The following TLK1 variants were observed in gnomAD, a reference collection of about 807,000 sequenced individuals.
The protein encoded by TLK1 is tousled like kinase 1, also known as serine/threonine-protein kinase tousled-like 1.
In TLK1, 24 loss-of-function variants were observed where a neutral mutation model predicts 105.3. That is an observed-to-expected ratio of 0.23 (90% confidence interval 0.17 to 0.32). The LOEUF is 0.32. Ranked by LOEUF, TLK1 falls within the 10% of genes least tolerant of loss-of-function variation. The pLI is 1.00. For missense variants in TLK1, 558 were observed against 910.5 expected (o/e 0.61, Z 4.98); for synonymous variants, 321 against 310.4 (o/e 1.03, Z -0.36).
intron 11 of TLK1, among the ~76,000 whole-genome samples, chr2:171,042,514 T>TG (rs1686729531): frequency 6.6e-6 from 1 of 152,054 alleles, no homozygotes; most frequent in Admixed American, 6.6e-5. Context: ...TCCAAAACAG[T>TG]GGATTACAGG....
At chr2:171,172,069 A>G (rs1025831738) in intron 1 of TLK1, among the ~76,000 whole-genome samples, 7 of 152,278 alleles carry the variant, frequency 4.6e-5, no homozygotes, top group African/African-American at 1.7e-4. Context: ...ACATAATACA[A>G]TACTATGCAG....
At chr2:171,203,362 C>T (rs1693439142) in intron 1 of TLK1, among the ~76,000 whole-genome samples, 1 of 152,090 alleles carries the variant, frequency 6.6e-6, no homozygotes, top group South Asian at 2.1e-4. Context: ...CCCTTTATCC[C>T]CAGCCCCTAG....
intron 20 of TLK1, among the ~76,000 whole-genome samples, chr2:170,994,972 G>A (rs1448599944): frequency 6.6e-6 from 1 of 151,836 alleles, no homozygotes; most frequent in Non-Finnish European, 1.5e-5. Flanking sequence ...CACATTAAAA[G>A]GTAACTATTT....
intron 14 of TLK1, among the ~76,000 whole-genome samples, chr2:171,008,636 G>A (rs1162875256): frequency 6.6e-6 from 1 of 151,928 alleles, no homozygotes; most frequent in East Asian, 1.9e-4. Context: ...CTCCCATCCT[G>A]GTATAAAATA....
intron 18 of TLK1, among the ~76,000 whole-genome samples, chr2:171,001,333 T>C (rs1309158139): frequency 2.0e-5 from 3 of 152,168 alleles, no homozygotes; most frequent in African/African-American, 4.8e-5. Flanking sequence ...ATTGTTGTGT[T>C]TGGGGACTCA....
At position 171,020,302 on chromosome 2, in the gene TLK1, G is replaced by A. The variant is rs537974463; in HGVS notation, c.1237-5354C>T. Among the ~76,000 whole-genome samples the A allele has an allele frequency of 3.3e-5, 5 of 151,962 alleles. No homozygotes were observed. The East Asian group carries it at 7.8e-4, about 24-fold the overall frequency. On this transcript the variant is annotated intron_variant, in intron 12 of 20. Coordinates refer to ENST00000431350, the MANE Select transcript of TLK1 (RefSeq NM_012290.5). Reference sequence around the variant, plus strand: ...CATGCCTATAATCCCAGCACTTCAGGAGGCTGAGGTGGGTGGATCATGAGG... The same window carrying A: ...CATGCCTATAATCCCAGCACTTCAGAAGGCTGAGGTGGGTGGATCATGAGG...
chr2:171,168,155 C>G (rs1692644438), intron 1 of TLK1, among the ~76,000 whole-genome samples: 1 of 151,934 alleles, frequency 6.6e-6, no homozygotes, highest in African/African-American at 2.4e-5. Context: ...TAAAAAATAT[C>G]AAATATCTTT....
At chr2:171,198,695 T>G (rs1269323592) in intron 1 of TLK1, among the ~76,000 whole-genome samples, 3 of 152,174 alleles carry the variant, frequency 2.0e-5, no homozygotes, top group Admixed American at 6.6e-5. Flanking sequence ...GACTAAAGGA[T>G]GGAGATGAGG....
At position 171,066,771 on chromosome 2, in the gene TLK1, G is replaced by C; in HGVS notation, c.331-5615C>G. The C allele has an allele frequency of 4.7e-6, 7 of 1,477,946 alleles. No homozygotes were observed. The South Asian group carries it at 8.8e-5, about 19-fold the overall frequency. The allele number at this position is 1,477,946 out of a possible 1,614,324, so 91.6% of individuals were successfully genotyped here. ...TTCCCTTCTCTGGCTATCCCTTTAA[G>C]GCTTTATTTGTTAAACAGTATATAC... is the stretch of plus-strand genomic sequence containing the variant. On this transcript the variant is annotated intron_variant, in intron 3 of 20. Transcript: ENST00000431350.
chr2:171,066,816 T>C, intron 3 of TLK1: 1 of 1,549,292 alleles, frequency 6.5e-7, no homozygotes. Flanking sequence ...AGAATAAAGT[T>C]GAACTTTCTC....
chr2:171,086,653 G>GA (rs1320285556), intron 2 of TLK1, among the ~76,000 whole-genome samples: 22 of 143,940 alleles, frequency 1.5e-4, no homozygotes, highest in Admixed American at 9.0e-4. Flanking sequence ...AAAAAAAACA[G>GA]AAAAAAAAAG....
In TLK1 at chr2:171,150,300, A is replaced by C. The variant is rs1691980494; in HGVS notation, c.139+9990T>G. On this transcript the variant is annotated intron_variant, in intron 1 of 20. Coordinates refer to ENST00000431350, the MANE Select transcript of TLK1 (RefSeq NM_012290.5). ...TGACTGAAAATCTAGTATTTAAAAAAAAGGAGGCTTTTACTCAGTTACTGT... is the reference window on the plus strand; with the variant it reads ...TGACTGAAAATCTAGTATTTAAAAACAAGGAGGCTTTTACTCAGTTACTGT... Among the ~76,000 whole-genome samples the C allele has an allele frequency of 2.0e-5, 3 of 152,264 alleles. No individual in the cohort carries two copies. In the South Asian group the frequency reaches 6.2e-4, roughly 32 times the overall value.
intron 11 of TLK1, among the ~76,000 whole-genome samples, chr2:171,039,824 A>G (rs1013312840): frequency 6.6e-6 from 1 of 152,176 alleles, no homozygotes; most frequent in Non-Finnish European, 1.5e-5. Context: ...AAGAGGGCAA[A>G]ATAATTTTCA....
chr2:171,187,915 G>A (rs989560900), intron 1 of TLK1, among the ~76,000 whole-genome samples: 1 of 152,116 alleles, frequency 6.6e-6, no homozygotes, highest in Non-Finnish European at 1.5e-5. Context: ...GAACAGAGTG[G>A]TATATTCTAC....
At position 170,990,834 on chromosome 2, in the gene TLK1, T is replaced by G. The variant is rs1319151507; in HGVS notation, c.*2946A>C. The G allele has an allele frequency of 6.6e-6, 1 of 152,084 alleles. No homozygotes were observed. The highest frequency in any genetic ancestry group is 1.9e-4 in the East Asian group (1 of 5,194). The allele number at this position is 152,084 out of a possible 1,614,324, so 9.4% of individuals were successfully genotyped here. A position where few individuals can be genotyped will look rare whatever the true frequency, so the allele number is the denominator to read the frequency against. ...GCTAATAGCATGAGGGCAATCAACA[T>G]TACTGCATTTAATAAGTAATGATGA... is the stretch of plus-strand genomic sequence containing the variant. On this transcript the variant is annotated 3_prime_UTR_variant, in exon 21 of 21. Coordinates refer to ENST00000431350, the MANE Select transcript of TLK1 (RefSeq NM_012290.5).
At chr2:171,148,384 C>T (rs983912779) in intron 1 of TLK1, among the ~76,000 whole-genome samples, 6 of 150,720 alleles carry the variant, frequency 4.0e-5, no homozygotes, top group Non-Finnish European at 1.5e-5. Context: ...GGGTTGACAT[C>T]CTTTTTTCAA....
chr2:171,221,423 C>T (rs186364641), intron 1 of TLK1, among the ~76,000 whole-genome samples: 90 of 152,200 alleles, frequency 5.9e-4, no homozygotes, highest in Admixed American at 1.9e-3. Flanking sequence ...TGCACCTCAC[C>T]GAAACTTCAT....
intron 17 of TLK1, 76 bp from the exon 18 acceptor site, chr2:171,006,358 G>A (rs1684653635): frequency 1.4e-6 from 2 of 1,468,026 alleles, no homozygotes; most frequent in East Asian, 4.7e-5. Flanking sequence ...AATTTTACTA[G>A]TATTTTACTG....
chr2:171,111,547 T>A (rs1209930585), intron 2 of TLK1, among the ~76,000 whole-genome samples: 1 of 148,440 alleles, frequency 6.7e-6, no homozygotes, highest in East Asian at 2.0e-4. Flanking sequence ...ATCACACCCC[T>A]GCACTCCAGC....
Sources: allele counts gnomAD v4.1 joint callset (sites outside exome capture counted in the v4.1 genomes callset), GRCh38; gene constraint gnomAD v4.1.1; transcripts MANE v1.5; gene names NCBI Gene and HGNC (gene_info 2026-07-23, HGNC 2026-07-21).